The following DPT variants were observed in gnomAD, a reference collection of about 807,000 sequenced individuals.
The protein encoded by DPT is dermatopontin.
Under a neutral mutation model 31.2 loss-of-function variants are expected in DPT, and 21 were observed. The observed-to-expected ratio is 0.67, with a 90% CI of 0.48 to 0.97. DPT has a LOEUF of 0.97. Among genes scored for constraint, DPT ranks in the 50% least tolerant of loss-of-function variants. DPT has a pLI of 0.00. For missense variants in DPT, 262 were observed against 258.8 expected, an observed-to-expected ratio of 1.01 and a Z score of -0.08; for synonymous variants, 91 against 86.9, an observed-to-expected ratio of 1.05 and a Z score of -0.26.
intron 1 of DPT, among the ~76,000 whole-genome samples, chr1:168,721,654 A>G (rs1469302817): frequency 6.6e-6 from 1 of 152,200 alleles, no homozygotes; most frequent in Admixed American, 6.5e-5. Context: ...TGACAATTCC[A>G]AATCATACTA....
intron 1 of DPT, among the ~76,000 whole-genome samples, chr1:168,721,241 A>C (rs1227486443): frequency 6.6e-6 from 1 of 152,204 alleles, no homozygotes; most frequent in East Asian, 1.9e-4. Flanking sequence ...TTCTCTGCTA[A>C]TTCCAAACAG....
intron 2 of DPT, 81 bp from the exon 3 acceptor site, chr1:168,701,205 A>C (rs1649589393): frequency 9.1e-7 from 1 of 1,098,168 alleles, no homozygotes; most frequent in African/African-American, 1.6e-5. Context: ...ACTATGAAGA[A>C]GAGATGGAGT....
At chr1:168,725,802 T>C (rs1163745289) in intron 1 of DPT, among the ~76,000 whole-genome samples, 1 of 152,248 alleles carries the variant, frequency 6.6e-6, no homozygotes, top group East Asian at 1.9e-4. Context: ...CTATGTGCTA[T>C]TGTCAAGCCT....
intron 2 of DPT, among the ~76,000 whole-genome samples, chr1:168,702,395 A>T (rs1649618975): frequency 6.6e-6 from 1 of 152,174 alleles, no homozygotes; most frequent in South Asian, 2.1e-4. Context: ...GTTCATAATC[A>T]TTCCTTTTAC....
intron 3 of DPT, among the ~76,000 whole-genome samples, chr1:168,700,616 C>T (rs1649572992): frequency 1.3e-5 from 2 of 152,092 alleles, no homozygotes; most frequent in African/African-American, 4.8e-5. Context: ...GAAAAGTGCT[C>T]TTTGAAATTG....
chr1:168,709,484 C>A (rs1649800554), intron 2 of DPT, among the ~76,000 whole-genome samples: 1 of 152,178 alleles, frequency 6.6e-6, no homozygotes, highest in Non-Finnish European at 1.5e-5. Flanking sequence ...TCCAGTGAGG[C>A]TGTAATATCC....
intron 1 of DPT, among the ~76,000 whole-genome samples, chr1:168,727,597 G>T (rs1407017569): frequency 2.7e-5 from 4 of 150,182 alleles, no homozygotes; most frequent in African/African-American, 9.9e-5. Context: ...GAATACAGTG[G>T]TGCGAGCATG....
intron 1 of DPT, among the ~76,000 whole-genome samples, chr1:168,720,595 G>A (rs1375928545): frequency 6.6e-6 from 1 of 152,156 alleles, no homozygotes; most frequent in African/African-American, 2.4e-5. Flanking sequence ...GGCTGGTTGT[G>A]CTGGTCTTTT....
At chr1:168,726,827 C>T (rs1172027036) in intron 1 of DPT, among the ~76,000 whole-genome samples, 1 of 152,248 alleles carries the variant, frequency 6.6e-6, no homozygotes, top group Non-Finnish European at 1.5e-5. Flanking sequence ...AGCCTGGTCT[C>T]TGAATCAGCA....
chr1:168,707,315 C>G (rs1442624177), intron 2 of DPT, among the ~76,000 whole-genome samples: 1 of 152,048 alleles, frequency 6.6e-6, no homozygotes, highest in Non-Finnish European at 1.5e-5. Context: ...TATTTCATAT[C>G]CATTCACATT....
chr1:168,711,080 G>A (rs1307877645), intron 2 of DPT, among the ~76,000 whole-genome samples: 1 of 150,172 alleles, frequency 6.7e-6, no homozygotes, highest in Non-Finnish European at 1.5e-5. Flanking sequence ...GCGTGATCTC[G>A]GCTCACTGCG....
chr1:168,702,746 G>A (rs1236917974), intron 2 of DPT, among the ~76,000 whole-genome samples: 3 of 151,786 alleles, frequency 2.0e-5, no homozygotes, highest in Non-Finnish European at 4.4e-5. Flanking sequence ...CAGGTAGCTG[G>A]GATTACAGGT....
rs1162227416 is a variant in DPT at position 168,729,190 on chromosome 1, G to C, written c.-16C>G. ...TGAGGTCCATGCTGCCTGGGATTTT[G>C]GCAAACAATGTCACTCTAAGATTGC... On this transcript the variant is annotated 5_prime_UTR_variant, in exon 1 of 4. Transcript: ENST00000367817. 1 of 1,606,852 alleles carries C rather than the reference G, an allele frequency of 6.2e-7. No individual in the cohort carries two copies. Among genetic ancestry groups the C allele is most frequent in the Non-Finnish European group, 8.5e-7 (1 of 1,175,794 alleles).
intron 2 of DPT, among the ~76,000 whole-genome samples, chr1:168,706,948 T>TCAA (rs1249613799): frequency 1.3e-5 from 2 of 152,194 alleles, no homozygotes; most frequent in African/African-American, 4.8e-5. Context: ...TACTTGACCT[T>TCAA]CAACAGCTCC....
At chr1:168,698,609 C>T (rs1347544098) in intron 3 of DPT, among the ~76,000 whole-genome samples, 1 of 152,046 alleles carries the variant, frequency 6.6e-6, no homozygotes, top group Non-Finnish European at 1.5e-5. Context: ...CAAATTTGCT[C>T]CCCAAGGGAA....
intron 1 of DPT, among the ~76,000 whole-genome samples, chr1:168,714,968 C>A (rs929703225): frequency 6.6e-6 from 1 of 151,954 alleles, no homozygotes; most frequent in African/African-American, 2.4e-5. Flanking sequence ...ACCCACAAGA[C>A]CATAAGCTCT....
rs146961842 is a variant in DPT, at chr1:168,711,037, G to A, written c.431+3184C>T. Among the ~76,000 whole-genome samples, 6 of 149,600 alleles carry A rather than the reference G, an allele frequency of 4.0e-5. No homozygotes were observed. The East Asian group carries it at 9.8e-4, about 24-fold the overall frequency. On this transcript the variant is annotated intron_variant, in intron 2 of 3. Coordinates refer to ENST00000367817, the MANE Select transcript of DPT (RefSeq NM_001937.5). ...TCTTCTTCTTTTTTTTTGAGTCAGA[G>A]TCTTGCTCTGTCGCCCAGGCTGGAG...
chr1:168,705,648 A>G (rs1649703917), intron 2 of DPT, among the ~76,000 whole-genome samples: 1 of 152,202 alleles, frequency 6.6e-6, no homozygotes, highest in African/African-American at 2.4e-5. Flanking sequence ...TGGTCATTCA[A>G]TATTGAATTC....
chr1:168,697,133 G>A (rs1402246383), intron 3 of DPT, among the ~76,000 whole-genome samples: 1 of 151,960 alleles, frequency 6.6e-6, no homozygotes, highest in African/African-American at 2.4e-5. Context: ...GTGTGGTGGT[G>A]CATGCCTGTA....
Sources: gnomAD v4.1 joint callset for allele counts (sites outside exome capture counted in the v4.1 genomes callset) on GRCh38, gnomAD v4.1.1 for gene constraint, MANE v1.5 for transcripts, NCBI Gene and HGNC (gene_info 2026-07-23, HGNC 2026-07-21) for gene names.